SEC24B: variants seen among roughly 807,000 people sequenced by gnomAD.
The protein encoded by SEC24B is protein transport protein Sec24B.
Under a neutral mutation model 142.8 loss-of-function variants are expected in SEC24B, and 45 were observed. That is an observed-to-expected ratio of 0.32 (90% CI 0.25 to 0.40). SEC24B has a LOEUF of 0.40. SEC24B is among the 10% of genes least tolerant of loss of function. The pLI is 1.00. For synonymous variants in SEC24B, 574 were observed against 568.2 expected (o/e 1.01, Z -0.15); for missense variants, 1,409 against 1,526.8 (o/e 0.92, Z 1.29).
chr4:109,513,641 C>A, intron 9 of SEC24B, 106 bp from the exon 10 acceptor site: 1 of 688,342 alleles, frequency 1.5e-6, no homozygotes, highest in South Asian at 1.7e-5. Context: ...AGAACTGTTG[C>A]TAAACCTCGT....
In SEC24B at chr4:109,463,242, T is replaced by C. The variant is rs1214701397; in HGVS notation, c.475T>C (p.Tyr159His). ...ACCATACTCCTCTTTTGTGAATCAC[T>C]ACAATAGTCCAGCCATGTACTCTGC... ...SQPYSSFVNH[Y>H]NSPAMYSASS... The change falls in exon 2 of 24, where the codon TAC becomes CAC. Residue 159 changes from tyrosine (Y) to histidine (H), a missense_variant. Around this residue, in one of 2 missense-constraint regions of SEC24B, gnomAD observed 709 missense variants for 673.5 expected, o/e 1.05. Transcript: ENST00000265175. The C allele has an allele frequency of 1.9e-6, 3 of 1,614,124 alleles. No individual in the cohort carries two copies. The highest frequency in any genetic ancestry group is 2.5e-6 in the Non-Finnish European group (3 of 1,179,994).
chr4:109,501,835 T>C (rs1736185959), intron 6 of SEC24B, among the ~76,000 whole-genome samples: 1 of 152,234 alleles, frequency 6.6e-6, no homozygotes, highest in Non-Finnish European at 1.5e-5. Context: ...TCCTACTCTG[T>C]GGCAGTACTA....
intron 4 of SEC24B, among the ~76,000 whole-genome samples, chr4:109,489,990 C>T (rs1039406972): frequency 2.0e-5 from 3 of 151,962 alleles, no homozygotes; most frequent in Non-Finnish European, 4.4e-5. Flanking sequence ...CTACTTATCA[C>T]GAAGAAGGCA....
At chr4:109,487,002 T>C (rs1734427812) in intron 4 of SEC24B, among the ~76,000 whole-genome samples, 2 of 151,822 alleles carry the variant, frequency 1.3e-5, no homozygotes, top group Admixed American at 1.3e-4. Context: ...CCATATCTAC[T>C]AAAAATACAA....
rs752204701 is a variant in SEC24B at position 109,527,310 on chromosome 4, C to CT, written c.2966-3dup. The CT allele has an allele frequency of 2.5e-4, 375 of 1,511,284 alleles. No individual in the cohort carries two copies. The highest frequency in any genetic ancestry group is 3.1e-4 in the South Asian group (26 of 82,918). 93.6% of individuals were successfully genotyped at this position (1,511,284 alleles called of 1,614,324 possible). A position where few individuals can be genotyped will look rare whatever the true frequency, so the allele number is the denominator to read the frequency against. On this transcript the variant is annotated splice_polypyrimidine_tract_variant and intron_variant, in intron 17 of 23. Transcript: ENST00000265175. The stretch of plus-strand genomic sequence containing the variant: ...TTTTGATCTAATGTATTTTCAATGA[C>CT]TTTTTTTTTAGGTGAGCGGAGAATT...
chr4:109,531,203 C>G (rs539913416), intron 19 of SEC24B, among the ~76,000 whole-genome samples, 182 bp from the exon 20 acceptor site: 7 of 152,130 alleles, frequency 4.6e-5, no homozygotes, highest in Non-Finnish European at 1.0e-4. Flanking sequence ...CAGTATAGCT[C>G]AGAGGAGCTA....
intron 1 of SEC24B, among the ~76,000 whole-genome samples, chr4:109,437,626 A>C (rs576755779): frequency 6.7e-6 from 1 of 149,850 alleles, no homozygotes; most frequent in African/African-American, 2.5e-5. Flanking sequence ...CAAATGGCAA[A>C]CTTTTTTTGT....
chr4:109,527,407 T>G lies in SEC24B; in HGVS notation c.3051T>G (p.Ala1017=). 1 of 1,612,416 alleles carries G rather than the reference T, an allele frequency of 6.2e-7. No homozygotes were observed. The change falls in exon 18 of 24, where the codon GCT becomes GCG. Residue 1017 remains alanine, a synonymous_variant. Transcript: ENST00000265175. ...TATATGCGGGAGTGGATGTACAAGCTGCCATCTGCCTTCTGGCAAACATGG... is the reference window on the plus strand; with the variant it reads ...TATATGCGGGAGTGGATGTACAAGCGGCCATCTGCCTTCTGGCAAACATGG... The part of the protein sequence containing the change: ...ADVYAGVDVQ[A]AICLLANMAV...
chr4:109,461,363 T>C (rs1020406190), intron 1 of SEC24B, among the ~76,000 whole-genome samples: 2 of 152,192 alleles, frequency 1.3e-5, no homozygotes, highest in African/African-American at 4.8e-5. Flanking sequence ...AACTTCCAGT[T>C]TGACTTCTAG....
intron 6 of SEC24B, among the ~76,000 whole-genome samples, chr4:109,501,461 A>G (rs1470210128): frequency 6.6e-6 from 1 of 152,184 alleles, no homozygotes. Flanking sequence ...CAGAATCAAA[A>G]CATTTAATTG....
chr4:109,434,002 G>A lies in SEC24B; in HGVS notation c.133G>A (p.Gly45Ser). 3 of 1,162,356 alleles carry A rather than the reference G, an allele frequency of 2.6e-6. No homozygotes were observed. Among genetic ancestry groups the A allele is most frequent in the Non-Finnish European group, 3.2e-6 (3 of 944,358 alleles). 72.0% of individuals were successfully genotyped at this position (1,162,356 alleles called of 1,614,324 possible). The change falls in exon 1 of 24, where the codon GGT becomes AGT. Residue 45 changes from glycine to serine, a missense_variant and splice_region_variant. Gly to Ser is a moderately conservative substitution (Grantham distance 56). Transcript: ENST00000265175. ...GGGCCCGGCGCCGCACCAGCAGAACGGTGAGGCGGGCGGCCCGGGCGGAGC... is the reference window on the plus strand; with the variant it reads ...GGGCCCGGCGCCGCACCAGCAGAACAGTGAGGCGGGCGGCCCGGGCGGAGC... The part of the protein sequence containing the change: ...GAGPAPHQQN[G>S]PAQNQMQVPS...
intron 3 of SEC24B, among the ~76,000 whole-genome samples, chr4:109,481,364 A>C (rs1048040640): frequency 5.9e-5 from 9 of 152,188 alleles, no homozygotes; most frequent in African/African-American, 2.2e-4. Flanking sequence ...AAAGGAGATA[A>C]ACATGTATAG....
chr4:109,527,339 G>T lies in SEC24B; in HGVS notation c.2983G>T (p.Val995Leu). 1 of 1,611,498 alleles carries T rather than the reference G, an allele frequency of 6.2e-7. No individual in the cohort carries two copies. Among genetic ancestry groups the T allele is most frequent in the Non-Finnish European group, 8.5e-7 (1 of 1,178,346 alleles). The change falls in exon 18 of 24, where the codon GTA becomes TTA. Residue 995 changes from valine (V) to leucine (L), a missense_variant. Val to Leu is a conservative substitution (Grantham distance 32). Coordinates refer to ENST00000265175, the MANE Select transcript of SEC24B (RefSeq NM_006323.5). Reference protein sequence around the residue: ...TSSKGERRIRVHTLCLPVVSS... With the variant: ...TSSKGERRIRLHTLCLPVVSS... ...TTTTTTAGGTGAGCGGAGAATTAGA[G>T]TACATACACTTTGTTTGCCAGTGGT...
intron 4 of SEC24B, among the ~76,000 whole-genome samples, chr4:109,485,991 G>T (rs1734308954): frequency 6.6e-6 from 1 of 152,124 alleles, no homozygotes. Context: ...TTGGCTGAAA[G>T]CTGAGGAAAA....
At chr4:109,527,788 AAAAG>A (rs1283100906) in intron 18 of SEC24B, among the ~76,000 whole-genome samples, 4 of 152,068 alleles carry the variant, frequency 2.6e-5, no homozygotes, top group South Asian at 2.1e-4. Flanking sequence ...CTCAAAAAAA[AAAAG>A]AAAGAAAGAA....
intron 14 of SEC24B, among the ~76,000 whole-genome samples, chr4:109,524,300 T>A (rs1487118921): frequency 1.3e-5 from 2 of 151,938 alleles, no homozygotes; most frequent in Admixed American, 1.3e-4. Context: ...GGATTGAAAC[T>A]TTTTTTTAGG....
intron 7 of SEC24B, among the ~76,000 whole-genome samples, chr4:109,507,764 G>A (rs1038097740): frequency 2.0e-5 from 3 of 152,048 alleles, no homozygotes; most frequent in Non-Finnish European, 2.9e-5. Context: ...TCCTGCTTTA[G>A]CCTCCCGAGT....
intron 1 of SEC24B, among the ~76,000 whole-genome samples, chr4:109,443,430 C>T (rs1193585556): frequency 6.6e-6 from 1 of 152,018 alleles, no homozygotes; most frequent in African/African-American, 2.4e-5. Flanking sequence ...ATTTTAGAGA[C>T]GAGATCTCAC....
chr4:109,476,894 T>G (rs1443053729), intron 3 of SEC24B, among the ~76,000 whole-genome samples: 1 of 151,976 alleles, frequency 6.6e-6, no homozygotes, highest in African/African-American at 2.4e-5. Context: ...TCCCAGCACT[T>G]TGGGAGGCCG....
Sources: gnomAD v4.1 joint callset for allele counts (sites outside exome capture counted in the v4.1 genomes callset) on GRCh38, gnomAD v4.1.1 for gene constraint, gnomAD v4.1.1 regional missense constraint, MANE v1.5 for transcripts, NCBI Gene and HGNC (gene_info 2026-07-23, HGNC 2026-07-21) for gene names.